RAB27B: variants seen among roughly 807,000 people sequenced by gnomAD.
The protein encoded by RAB27B is ras-related protein Rab-27B.
In RAB27B, 15 loss-of-function variants were observed where a neutral mutation model predicts 24.6. That is an observed-to-expected ratio of 0.61 (90% confidence interval 0.41 to 0.94). The LOEUF (loss-of-function observed/expected upper bound fraction) is 0.94. Ranked by LOEUF, RAB27B falls within the 40% of genes least tolerant of loss-of-function variation. The pLI, the probability that RAB27B is intolerant of heterozygous loss-of-function variation, is 0.00. For synonymous variants in RAB27B, 105 were observed against 92.5 expected (o/e 1.14, Z -0.78); for missense variants, 261 against 266.8 (o/e 0.98, Z 0.15).
chr18:54,804,900 C>CTT (rs1261717631), intron 2 of RAB27B, among the ~76,000 whole-genome samples: 9 of 102,698 alleles, frequency 8.8e-5, no homozygotes, highest in African/African-American at 5.1e-4. Context: ...TTCTCTTTCT[C>CTT]TCTCTCTTTC....
chr18:54,822,468 TATATG>T (rs1415317018), intron 2 of RAB27B, among the ~76,000 whole-genome samples: 1 of 152,206 alleles, frequency 6.6e-6, no homozygotes, highest in Non-Finnish European at 1.5e-5. Flanking sequence ...CATTTGTACT[TATATG>T]GTAAGCCCAT....
intron 1 of RAB27B, among the ~76,000 whole-genome samples, chr18:54,852,756 G>T (rs1383863156): frequency 6.6e-6 from 1 of 152,146 alleles, no homozygotes; most frequent in Non-Finnish European, 1.5e-5. Flanking sequence ...GAACCTTATT[G>T]TTCCCCTCAA....
At position 54,893,003 on chromosome 18, in the gene RAB27B, G is replaced by C. The variant is rs1238862352; in HGVS notation, c.*3590G>C. The C allele has an allele frequency of 1.3e-5, 2 of 152,018 alleles. No homozygotes were observed. The highest frequency in any genetic ancestry group is 2.9e-5 in the Non-Finnish European group (2 of 67,938). The allele number at this position is 152,018 out of a possible 1,614,324, so 9.4% of individuals were successfully genotyped here. A position where few individuals can be genotyped will look rare whatever the true frequency, so the allele number is the denominator to read the frequency against. ...TGATGTTCTTTAAGCTGCAAATTGA[G>C]TACACTGGGAATCAACAAATTTGAT... On this transcript the variant is annotated 3_prime_UTR_variant, in exon 6 of 6. Transcript: ENST00000262094.
At chr18:54,881,844 A>G (rs1047605373) in intron 3 of RAB27B, among the ~76,000 whole-genome samples, 1 of 152,204 alleles carries the variant, frequency 6.6e-6, no homozygotes, top group Non-Finnish European at 1.5e-5. Context: ...CAAACAGATC[A>G]CTACAGCAAG....
intron 2 of RAB27B, among the ~76,000 whole-genome samples, chr18:54,812,801 A>G (rs1910008381): frequency 6.6e-6 from 1 of 152,368 alleles, no homozygotes; most frequent in African/African-American, 2.4e-5. Flanking sequence ...AAAACAAAAT[A>G]TATACAAGCA....
At chr18:54,749,305 T>A (rs1187309153) in intron 2 of RAB27B, among the ~76,000 whole-genome samples, 1 of 152,144 alleles carries the variant, frequency 6.6e-6, no homozygotes, top group African/African-American at 2.4e-5. Context: ...TTCTTAGGCT[T>A]ATTTCTATGG....
chr18:54,826,647 A>C (rs1910486450), upstream of RAB27B, among the ~76,000 whole-genome samples: 1 of 152,168 alleles, frequency 6.6e-6, no homozygotes, highest in Admixed American at 6.5e-5. Flanking sequence ...TGTGTGTGTC[A>C]GATTTTCTTA....
upstream of RAB27B, among the ~76,000 whole-genome samples, chr18:54,828,005 G>T (rs1419049593): frequency 2.0e-5 from 3 of 152,142 alleles, no homozygotes; most frequent in Non-Finnish European, 4.4e-5. Flanking sequence ...AAGTGAATTT[G>T]GATGTTGCAT....
At chr18:54,776,775 C>T (rs569484500) in intron 2 of RAB27B, among the ~76,000 whole-genome samples, 1 of 152,236 alleles carries the variant, frequency 6.6e-6, no homozygotes, top group East Asian at 1.9e-4. Context: ...GAATAAATCT[C>T]GGGCCTGGCA....
intron 2 of RAB27B, among the ~76,000 whole-genome samples, chr18:54,784,304 A>G (rs1909011204): frequency 6.6e-6 from 1 of 152,044 alleles, no homozygotes; most frequent in Non-Finnish European, 1.5e-5. Context: ...TAAACATTGT[A>G]TTTTTCATTT....
chr18:54,744,838 G>T, intron 2 of RAB27B: 2 of 206,076 alleles, frequency 9.7e-6, no homozygotes, highest in South Asian at 1.9e-4. Context: ...CACCAAGATT[G>T]ACTTCCAAGT....
At chr18:54,881,569 T>C (rs1267743780) in intron 3 of RAB27B, among the ~76,000 whole-genome samples, 1 of 152,156 alleles carries the variant, frequency 6.6e-6, no homozygotes, top group Admixed American at 6.5e-5. Flanking sequence ...GTTATTTCCT[T>C]CTTTATCTGC....
At chr18:54,747,268 A>G (rs1910283119) in intron 2 of RAB27B, among the ~76,000 whole-genome samples, 1 of 152,142 alleles carries the variant, frequency 6.6e-6, no homozygotes, top group Non-Finnish European at 1.5e-5. Flanking sequence ...CCTCCTGATG[A>G]TGAAAATTTG....
intron 1 of RAB27B, among the ~76,000 whole-genome samples, chr18:54,844,842 C>A (rs1911264894): frequency 6.6e-6 from 1 of 152,156 alleles, no homozygotes. Flanking sequence ...GCCTGCCTTT[C>A]TACCAGTTTT....
At chr18:54,758,977 C>A (rs1355048468) in intron 2 of RAB27B, among the ~76,000 whole-genome samples, 1 of 152,180 alleles carries the variant, frequency 6.6e-6, no homozygotes, top group Non-Finnish European at 1.5e-5. Flanking sequence ...ACAAACTCAA[C>A]CCCAATTTCT....
In RAB27B at chr18:54,888,116, T is replaced by C. The variant is rs1913220996; in HGVS notation, c.465T>C (p.Tyr155=). 1.2e-6 allele frequency: 2 copies of C among 1,612,468 alleles called. No individual in the cohort carries two copies. Among genetic ancestry groups the C allele is most frequent in the Admixed American group, 1.7e-5 (1 of 59,936 alleles). Residue 155 remains tyrosine (Y), a splice_region_variant and synonymous_variant, in exon 5 of 6, where the codon TAT becomes TAC. Transcript: ENST00000262094. ...AAGCTCGGGAACTGGCTGACAAATA[T>C]GGGTAAGTCAGTTACACTGAGATGG... is the stretch of plus-strand genomic sequence containing the variant. The part of the protein sequence containing the change: ...ERQARELADK[Y]GIPYFETSAA...
intron 2 of RAB27B, among the ~76,000 whole-genome samples, chr18:54,759,018 C>T (rs1468501502): frequency 1.3e-5 from 2 of 152,118 alleles, no homozygotes; most frequent in Admixed American, 6.6e-5. Context: ...AGTAAAGAAA[C>T]ATTTCCTTTT....
At chr18:54,731,896 G>A (rs1262848426) in intron 2 of RAB27B, among the ~76,000 whole-genome samples, 1 of 152,130 alleles carries the variant, frequency 6.6e-6, no homozygotes, top group East Asian at 1.9e-4. Context: ...AAATTTGTAT[G>A]ACCTTTAACA....
chr18:54,821,098 C>G (rs28885969), intron 2 of RAB27B, among the ~76,000 whole-genome samples: 33,019 of 151,952 alleles, frequency 0.22, 3,968 homozygotes, highest in African/African-American at 0.31. Flanking sequence ...GTCAAATTGT[C>G]CCTGTTTGCA....
Sources: allele counts gnomAD v4.1 joint callset (sites outside exome capture counted in the v4.1 genomes callset), GRCh38; gene constraint gnomAD v4.1.1; transcripts MANE v1.5; gene names NCBI Gene and HGNC (gene_info 2026-07-23, HGNC 2026-07-21).